Variants in METTL9 observed in about 807,000 individuals in gnomAD.
METTL9 encodes protein-L-histidine N-pros-methyltransferase.
In METTL9, 10 loss-of-function variants were observed where a neutral mutation model predicts 36.0. The ratio of observed to expected loss-of-function variants is 0.28; its 90% CI spans 0.17 to 0.47. The LOEUF is 0.47. Among genes scored for constraint, METTL9 ranks in the 20% least tolerant of loss-of-function variants. The pLI is 0.99. For missense variants in METTL9, 246 were observed against 383.5 expected (o/e 0.64, Z 3.00); for synonymous variants, 175 against 149.7 (o/e 1.17, Z -1.23).
At chr16:21,614,320 T>G (rs1965501967) in intron 2 of METTL9, among the ~76,000 whole-genome samples, 1 of 152,156 alleles carries the variant, frequency 6.6e-6, no homozygotes, top group African/African-American at 2.4e-5. Flanking sequence ...GTGATAAAGG[T>G]AGGAATCCTC....
At chr16:21,615,844 T>C (rs1012927658) in intron 2 of METTL9, among the ~76,000 whole-genome samples, 1 of 152,194 alleles carries the variant, frequency 6.6e-6, no homozygotes. Flanking sequence ...CTTATTTTCT[T>C]ACTGTAATAT....
upstream of METTL9, among the ~76,000 whole-genome samples, chr16:21,598,163 A>G (rs1358575281): frequency 4.6e-5 from 7 of 152,182 alleles, no homozygotes; most frequent in Non-Finnish European, 8.8e-5. Context: ...ATCCTGGCCA[A>G]CATGGTGAAA....
At chr16:21,611,238 T>A (rs184003147) in intron 1 of METTL9, among the ~76,000 whole-genome samples, 1 of 152,338 alleles carries the variant, frequency 6.6e-6, no homozygotes, top group East Asian at 1.9e-4. Flanking sequence ...GTAAAATGAT[T>A]AATCTCTGAA....
chr16:21,636,570 A>C (rs558109549), intron 4 of METTL9, among the ~76,000 whole-genome samples: 1 of 152,122 alleles, frequency 6.6e-6, no homozygotes. Flanking sequence ...CGACATTGAG[A>C]GTTCTGCTCA....
chr16:21,607,879 C>T (rs916753224), intron 1 of METTL9, among the ~76,000 whole-genome samples: 1 of 151,970 alleles, frequency 6.6e-6, no homozygotes, highest in African/African-American at 2.4e-5. Flanking sequence ...CTGGGCGCAG[C>T]GGCTCACGCC....
intron 4 of METTL9, among the ~76,000 whole-genome samples, chr16:21,629,899 G>A (rs1027476374): frequency 6.6e-6 from 1 of 152,136 alleles, no homozygotes; most frequent in Admixed American, 6.5e-5. Context: ...TACACCTTTA[G>A]TTAGACACAG....
chr16:21,612,618 T>G (rs757270432), intron 1 of METTL9, 27 bp from the exon 2 acceptor site: 74 of 1,470,168 alleles, frequency 5.0e-5, no homozygotes, highest in East Asian at 3.7e-4. Flanking sequence ...GTTTTAATTT[T>G]TGTTCTTTTT....
chr16:21,599,628 G>A lies in METTL9; in HGVS notation c.-106G>A. 7.5e-7 allele frequency: 1 copy of A among 1,334,992 alleles called. No homozygotes were observed. The allele number at this position is 1,334,992 out of a possible 1,614,324, so 82.7% of individuals were successfully genotyped here. A position where few individuals can be genotyped will look rare whatever the true frequency, so the allele number is the denominator to read the frequency against. ...AGGGGGCTGGATGGGCAAGGCGGCC[G>A]CGATGGCTCGAGCTCGGGCGGTGGC... is the stretch of plus-strand genomic sequence containing the variant. On this transcript the variant is annotated 5_prime_UTR_variant, in exon 1 of 5. Coordinates refer to ENST00000358154, the MANE Select transcript of METTL9 (RefSeq NM_016025.5). This position sits in a 1 kb window ranked among gnomAD's most constrained non-coding sequence, Gnocchi z 4.4.
intron 4 of METTL9, chr16:21,643,105 T>A: frequency 6.2e-7 from 1 of 1,609,222 alleles, no homozygotes; most frequent in Non-Finnish European, 8.5e-7. Context: ...ATGTCTCTTA[T>A]GGTATAGTTC....
chr16:21,646,274 G>A (rs907216663), intron 4 of METTL9: 1 of 152,110 alleles, frequency 6.6e-6, no homozygotes, highest in African/African-American at 2.4e-5. Flanking sequence ...ATTGTCATGG[G>A]TTTTATCAAA....
chr16:21,616,998 T>C (rs887032426), intron 2 of METTL9, among the ~76,000 whole-genome samples: 2 of 152,206 alleles, frequency 1.3e-5, no homozygotes, highest in Admixed American at 1.3e-4. Context: ...TCCTTTCCAC[T>C]TTCCACCTTT....
At chr16:21,651,075 T>C (rs1597790740) in intron 4 of METTL9, among the ~76,000 whole-genome samples, 2 of 151,932 alleles carry the variant, frequency 1.3e-5, no homozygotes, top group South Asian at 2.1e-4. Flanking sequence ...TACAAAAAAT[T>C]AGCCGGGTGT....
intron 4 of METTL9, among the ~76,000 whole-genome samples, chr16:21,649,454 C>T (rs897286609): frequency 6.6e-6 from 1 of 152,136 alleles, no homozygotes; most frequent in African/African-American, 2.4e-5. Flanking sequence ...AGCTCAGCTC[C>T]ATCTCCAGCC....
chr16:21,618,791 A>G (rs1336096747), intron 3 of METTL9, among the ~76,000 whole-genome samples: 2 of 150,982 alleles, frequency 1.3e-5, no homozygotes, highest in East Asian at 1.9e-4. Context: ...TCGGCTCACT[A>G]CAACCTCTAC....
intron 4 of METTL9, among the ~76,000 whole-genome samples, chr16:21,644,946 A>G (rs943427443): frequency 2.0e-5 from 3 of 152,212 alleles, no homozygotes; most frequent in African/African-American, 4.8e-5. Context: ...CTTTTGCCAA[A>G]TGTGCTCTTC....
At chr16:21,641,826 G>A (rs538718887) in intron 4 of METTL9, among the ~76,000 whole-genome samples, 41 of 152,154 alleles carry the variant, frequency 2.7e-4, no homozygotes, top group African/African-American at 9.2e-4. Flanking sequence ...GTGGCTGGGA[G>A]CTTTACAATT....
intron 3 of METTL9, among the ~76,000 whole-genome samples, chr16:21,621,724 T>C (rs1030146101): frequency 6.6e-6 from 1 of 152,200 alleles, no homozygotes; most frequent in African/African-American, 2.4e-5. Context: ...GAAAACCCAA[T>C]TGTAAAACTA....
chr16:21,610,024 TAAA>T (rs1177126156), intron 1 of METTL9, among the ~76,000 whole-genome samples: 275 of 152,272 alleles, frequency 1.8e-3, no homozygotes, highest in African/African-American at 6.3e-3. Flanking sequence ...TTTATCCTTT[TAAA>T]GAGTACAATT....
intron 4 of METTL9, among the ~76,000 whole-genome samples, chr16:21,630,357 G>A (rs1046041472): frequency 6.6e-6 from 1 of 152,252 alleles, no homozygotes; most frequent in Non-Finnish European, 1.5e-5. Context: ...GTGAGCAGAG[G>A]GAGCCGGCTC....
Sources: gnomAD v4.1 joint callset for allele counts (sites outside exome capture counted in the v4.1 genomes callset) on GRCh38, gnomAD v4.1.1 for gene constraint, Gnocchi (gnomAD v3.1) non-coding constraint, MANE v1.5 for transcripts, NCBI Gene and HGNC (gene_info 2026-07-23, HGNC 2026-07-21) for gene names.